RBFOX1: variants seen among roughly 807,000 people sequenced by gnomAD.
RBFOX1 encodes the protein RNA binding fox-1 homolog 1.
A neutral mutation model predicts 57.7 loss-of-function variants in RBFOX1; 8 were observed. The observed-to-expected ratio is 0.14, with a 90% CI of 0.08 to 0.25. The LOEUF (loss-of-function observed/expected upper bound fraction) is 0.25, where lower values mean the gene tolerates loss of function less well. Among genes scored for constraint, RBFOX1 ranks in the 10% least tolerant of loss-of-function variants. RBFOX1 has a pLI of 1.00. For synonymous variants in RBFOX1, 326 were observed against 222.4 expected (o/e 1.47, Z -4.15); for missense variants, 611 against 548.5 (o/e 1.11, Z -1.14).
intron 4 of RBFOX1, among the ~76,000 whole-genome samples, chr16:7,356,058 G>T (rs971654364): frequency 1.3e-5 from 2 of 152,208 alleles, no homozygotes; most frequent in Non-Finnish European, 2.9e-5. Context: ...TCTCTAATGG[G>T]GCTGCATGTC....
intron 1 of RBFOX1, among the ~76,000 whole-genome samples, chr16:6,199,001 G>C (rs1234914859): frequency 6.6e-6 from 1 of 151,560 alleles, no homozygotes; most frequent in Non-Finnish European, 1.5e-5. Flanking sequence ...AAATCTCTCT[G>C]ATAGAATATA....
At chr16:7,706,611 C>T (rs953235145) in intron 14 of RBFOX1, among the ~76,000 whole-genome samples, 1 of 152,178 alleles carries the variant, frequency 6.6e-6, no homozygotes, top group Non-Finnish European at 1.5e-5. Context: ...CATCTTTTCA[C>T]ATTTGTTTTG....
rs115625007 is a variant in RBFOX1 at position 5,819,916 on chromosome 16, G to A, written c.319-47387G>A. Among the ~76,000 whole-genome samples, 193 of 152,316 alleles carry A rather than the reference G, an allele frequency of 1.3e-3. 1 individual carries two copies. The highest frequency in any genetic ancestry group is 4.5e-3 in the African/African-American group (188 of 41,582). ...ATTCATCACTCACCTCCGTTAGAGA[G>A]GGTTGGCCTTTCTGCTGGCCTTTAT... On this transcript the variant is annotated intron_variant, in intron 3 of 19. Coordinates refer to the RBFOX1 transcript ENST00000641259.
At chr16:7,428,500 A>T (rs1166355314) in intron 4 of RBFOX1, among the ~76,000 whole-genome samples, 5 of 119,624 alleles carry the variant, frequency 4.2e-5, no homozygotes, top group South Asian at 5.8e-4. Flanking sequence ...CTATTTTATT[A>T]TTATTATTAT....
At chr16:6,537,423 G>A (rs1299737804) in intron 2 of RBFOX1, among the ~76,000 whole-genome samples, 2 of 152,204 alleles carry the variant, frequency 1.3e-5, no homozygotes, top group African/African-American at 2.4e-5. Flanking sequence ...ATGGAGCCAT[G>A]CGTGTATTAT....
intron 2 of RBFOX1, among the ~76,000 whole-genome samples, chr16:6,502,443 C>G (rs551645304): frequency 6.6e-6 from 1 of 152,288 alleles, no homozygotes; most frequent in African/African-American, 2.4e-5. Context: ...TATTTAATCT[C>G]TTTAAGTCTC....
At chr16:7,039,752 T>A (rs1355632203) in intron 3 of RBFOX1, among the ~76,000 whole-genome samples, 1 of 152,178 alleles carries the variant, frequency 6.6e-6, no homozygotes, top group East Asian at 1.9e-4. Context: ...TACGTCGGAT[T>A]ATAGGACTGT....
intron 4 of RBFOX1, among the ~76,000 whole-genome samples, chr16:5,991,590 C>T (rs1384570228): frequency 6.6e-6 from 1 of 150,520 alleles, no homozygotes; most frequent in Non-Finnish European, 1.5e-5. Context: ...AGCAATTGCA[C>T]AAGGAGAAAC....
intron 2 of RBFOX1, among the ~76,000 whole-genome samples, chr16:6,596,524 C>G (rs770810137): frequency 1.0e-4 from 15 of 145,088 alleles, no homozygotes; most frequent in South Asian, 2.1e-4. Context: ...CTCCTGTGTT[C>G]CTGGCATTTT....
At chr16:5,311,807 C>A (rs956777032) in intron 1 of RBFOX1, among the ~76,000 whole-genome samples, 3 of 152,164 alleles carry the variant, frequency 2.0e-5, no homozygotes, top group Non-Finnish European at 2.9e-5. Context: ...GATGCGTTGG[C>A]CTCTTGTTGC....
At chr16:5,905,824 G>C (rs1352759813) in intron 4 of RBFOX1, among the ~76,000 whole-genome samples, 1 of 152,162 alleles carries the variant, frequency 6.6e-6, no homozygotes, top group Non-Finnish European at 1.5e-5. Flanking sequence ...CCACTCCCAA[G>C]CCCCAGCAAA....
rs115125764 is a variant in RBFOX1 at position 7,562,072 on chromosome 16, G to C, written c.271-17705G>C. 2.0e-5 allele frequency among the ~76,000 whole-genome samples: 3 copies of C among 152,288 alleles called. No individual in the cohort carries two copies. In the East Asian group the frequency reaches 5.8e-4, roughly 29 times the overall value. On this transcript the variant is annotated intron_variant, in intron 5 of 15. Coordinates refer to ENST00000550418, the MANE Select transcript of RBFOX1 (RefSeq NM_018723.4). Reference sequence around the variant, plus strand: ...GTTGGAGGCGTCAGCCAGAAAGGGAGGCTGCTGGAAGATTGCTAAGCTAGA... The same window carrying C: ...GTTGGAGGCGTCAGCCAGAAAGGGACGCTGCTGGAAGATTGCTAAGCTAGA...
At chr16:6,137,821 C>G (rs1384083335) in intron 1 of RBFOX1, among the ~76,000 whole-genome samples, 2 of 151,878 alleles carry the variant, frequency 1.3e-5, no homozygotes, top group African/African-American at 4.8e-5. Flanking sequence ...GTTGTCCAGG[C>G]TGCTCTTGAA....
intron 2 of RBFOX1, among the ~76,000 whole-genome samples, chr16:5,477,799 C>G (rs35296265): frequency 3.9e-5 from 6 of 152,072 alleles, no homozygotes; most frequent in South Asian, 2.1e-4. Flanking sequence ...TTCGTACTTG[C>G]AAAATGACGT....
intron 2 of RBFOX1, among the ~76,000 whole-genome samples, chr16:5,518,133 T>C (rs2043863482): frequency 6.6e-6 from 1 of 152,218 alleles, no homozygotes; most frequent in South Asian, 2.1e-4. Context: ...AACAAATTTA[T>C]AAATTAAATG....
intron 3 of RBFOX1, among the ~76,000 whole-genome samples, chr16:6,875,250 G>A (rs983148183): frequency 6.6e-6 from 1 of 152,156 alleles, no homozygotes; most frequent in Non-Finnish European, 1.5e-5. Context: ...GGAAATTTCA[G>A]TATCTCTGAA....
At chr16:6,286,261 C>T (rs1044321778) in intron 1 of RBFOX1, among the ~76,000 whole-genome samples, 3 of 152,136 alleles carry the variant, frequency 2.0e-5, no homozygotes, top group Non-Finnish European at 2.9e-5. Flanking sequence ...GCCAAGTCTC[C>T]ATGTGTCTTA....
intron 3 of RBFOX1, among the ~76,000 whole-genome samples, chr16:6,967,598 C>G (rs2084561152): frequency 6.6e-6 from 1 of 152,080 alleles, no homozygotes; most frequent in Admixed American, 6.5e-5. Context: ...CTCTAGTTCA[C>G]CCTGCCCCTC....
At chr16:6,917,438 G>T (rs929039171) in intron 3 of RBFOX1, among the ~76,000 whole-genome samples, 2 of 152,318 alleles carry the variant, frequency 1.3e-5, no homozygotes, top group Middle Eastern at 3.4e-3. Context: ...TGTCCTTGAT[G>T]TGTTTCATTT....
Sources: gnomAD v4.1 joint callset for allele counts (sites outside exome capture counted in the v4.1 genomes callset) on GRCh38, gnomAD v4.1.1 for gene constraint, MANE v1.5 for transcripts, NCBI Gene and HGNC (gene_info 2026-07-23, HGNC 2026-07-21) for gene names.